PPP2R5C: variants seen among roughly 807,000 people sequenced by gnomAD.
PPP2R5C encodes serine/threonine-protein phosphatase 2A 56 kDa regulatory subunit gamma isoform.
PPP2R5C carries 7 observed loss-of-function variants against 68.9 expected under a neutral mutation model. The observed-to-expected ratio is 0.10, with a 90% CI of 0.06 to 0.19. PPP2R5C has a LOEUF of 0.19. Ranked by LOEUF, PPP2R5C falls within the 10% of genes least tolerant of loss-of-function variation. The pLI, the probability that PPP2R5C is intolerant of heterozygous loss-of-function variation, is 1.00. For synonymous variants in PPP2R5C, 210 were observed against 222.2 expected, an observed-to-expected ratio of 0.95 and a Z score of 0.49; for missense variants, 348 against 641.3, an observed-to-expected ratio of 0.54 and a Z score of 4.94.
intron 2 of PPP2R5C, among the ~76,000 whole-genome samples, chr14:101,782,055 T>G (rs1294346905): frequency 1.1e-5 from 1 of 89,588 alleles, no homozygotes; most frequent in African/African-American, 4.3e-5. Flanking sequence ...CTCCCCCTTC[T>G]CTCTTTCTCC....
chr14:101,909,026 A>C (rs896854549), intron 10 of PPP2R5C, among the ~76,000 whole-genome samples: 2 of 152,194 alleles, frequency 1.3e-5, no homozygotes, highest in African/African-American at 4.8e-5. Context: ...ACAGGGCTGC[A>C]GTCCCATGGC....
intron 7 of PPP2R5C, among the ~76,000 whole-genome samples, chr14:101,893,393 T>C (rs1222658628): frequency 6.6e-6 from 1 of 152,204 alleles, no homozygotes; most frequent in East Asian, 1.9e-4. Context: ...GAGTTTTCTG[T>C]AGTGTAATCT....
At chr14:101,865,912 T>G (rs1339193852) in intron 2 of PPP2R5C, among the ~76,000 whole-genome samples, 1 of 149,128 alleles carries the variant, frequency 6.7e-6, no homozygotes, top group Non-Finnish European at 1.5e-5. Context: ...GTTACTTAAC[T>G]TTTTTTTGAG....
Position 101,882,593 on chromosome 14 carries a change from A to G in PPP2R5C, c.405+322A>G, listed in dbSNP as rs1025406083. 3.8e-5 allele frequency: 8 copies of G among 212,786 alleles called. No individual in the cohort carries two copies. Among genetic ancestry groups the G allele is most frequent in the Non-Finnish European group, 7.4e-5 (8 of 107,570 alleles). The allele number at this position is 212,786 out of a possible 1,614,324, so 13.2% of individuals were successfully genotyped here. A position where few individuals can be genotyped will look rare whatever the true frequency, so the allele number is the denominator to read the frequency against. On this transcript the variant is annotated intron_variant, in intron 3 of 13. Coordinates refer to ENST00000334743, the Ensembl canonical transcript of PPP2R5C. This position sits in a 1 kb window ranked among gnomAD's most constrained non-coding sequence, Gnocchi z 4.9. ...CTCCCAGTTTTTGCTCCTCATATTT[A>G]ATAGGTGCCTGCTGGGCCCCCAGGT...
At chr14:101,874,719 C>T (rs2043642483) in intron 2 of PPP2R5C, among the ~76,000 whole-genome samples, 1 of 151,934 alleles carries the variant, frequency 6.6e-6, no homozygotes, top group African/African-American at 2.4e-5. Flanking sequence ...ATTAAGTATT[C>T]TACAAAGGTT....
At chr14:101,792,776 A>G (rs1223544025) in intron 3 of PPP2R5C, among the ~76,000 whole-genome samples, 3 of 151,718 alleles carry the variant, frequency 2.0e-5, no homozygotes, top group Non-Finnish European at 4.4e-5. Flanking sequence ...GTTTTTTTAC[A>G]TAGCCTCATT....
intron 2 of PPP2R5C, among the ~76,000 whole-genome samples, chr14:101,871,121 A>G (rs1377269504): frequency 1.3e-5 from 2 of 151,960 alleles, no homozygotes; most frequent in South Asian, 2.1e-4. Context: ...TTGGCATGGT[A>G]TGTCTTTTTC....
At chr14:101,830,403 G>A (rs61994050) in intron 1 of PPP2R5C, among the ~76,000 whole-genome samples, 26,291 of 152,222 alleles carry the variant, frequency 0.17, 2,315 homozygotes, top group Admixed American at 0.21. Context: ...GCTACATTGT[G>A]CCCTTGGTGG....
chr14:101,875,221 A>AG (rs1488249537), intron 2 of PPP2R5C, among the ~76,000 whole-genome samples: 1 of 152,148 alleles, frequency 6.6e-6, no homozygotes, highest in Non-Finnish European at 1.5e-5. Context: ...CTGTGGAGGA[A>AG]GCGCGAGGTA....
intron 2 of PPP2R5C, among the ~76,000 whole-genome samples, chr14:101,860,684 C>T (rs111613486): frequency 2.6e-5 from 4 of 152,214 alleles, no homozygotes; most frequent in African/African-American, 9.6e-5. Context: ...ATATCCTCAA[C>T]ACTTGTTATG....
At chr14:101,903,008 G>A (rs1055438341) in intron 9 of PPP2R5C, among the ~76,000 whole-genome samples, 3 of 130,062 alleles carry the variant, frequency 2.3e-5, no homozygotes, top group Non-Finnish European at 4.7e-5. Flanking sequence ...GGAAAATTAT[G>A]TTTTGGGTTT....
chr14:101,876,646 TG>T (rs1225953440), intron 2 of PPP2R5C, among the ~76,000 whole-genome samples: 48 of 152,214 alleles, frequency 3.2e-4, no homozygotes, highest in African/African-American at 1.1e-3. Flanking sequence ...GCAGGACTGA[TG>T]TAAGTACTGA....
At chr14:101,768,469 G>A (rs2036973088) in intron 2 of PPP2R5C, among the ~76,000 whole-genome samples, 1 of 152,086 alleles carries the variant, frequency 6.6e-6, no homozygotes, top group Non-Finnish European at 1.5e-5. Flanking sequence ...AATAATAACA[G>A]TAACACCCAT....
At position 101,888,289 on chromosome 14, in the gene PPP2R5C, C is replaced by G. The variant is rs145581587; in HGVS notation, c.630-1948C>G. Among the ~76,000 whole-genome samples, 1,236 of 152,034 alleles carry G rather than the reference C, an allele frequency of 8.1e-3. 16 individuals are homozygous for G. The highest frequency in any genetic ancestry group is 0.034 in the Middle Eastern group (10 of 294). ...CAAAGGGAGCCTGCAGGGTGAGTTT[C>G]GTAAATTAAAGCACCTCTCGGTGTA... is the stretch of plus-strand genomic sequence containing the variant. On this transcript the variant is annotated intron_variant, in intron 5 of 13. Coordinates refer to ENST00000334743, the Ensembl canonical transcript of PPP2R5C. The surrounding 1 kb of genome is among the most constrained non-coding windows in gnomAD (Gnocchi z 5.6).
intron 2 of PPP2R5C, among the ~76,000 whole-genome samples, chr14:101,768,335 G>T (rs1438409541): frequency 2.0e-5 from 3 of 152,168 alleles, no homozygotes; most frequent in Admixed American, 2.0e-4. Flanking sequence ...ACAGAAGGGA[G>T]ATCACTCCTT....
At chr14:101,840,925 T>G (rs2041432076) in intron 1 of PPP2R5C, among the ~76,000 whole-genome samples, 1 of 152,224 alleles carries the variant, frequency 6.6e-6, no homozygotes, top group Admixed American at 6.5e-5. Context: ...CGTTGGTTGC[T>G]TCCATTAGTT....
chr14:101,880,481 T>C (rs1477532372), intron 2 of PPP2R5C, among the ~76,000 whole-genome samples: 3 of 152,162 alleles, frequency 2.0e-5, no homozygotes, highest in Non-Finnish European at 4.4e-5. Flanking sequence ...GGTTTGGAGT[T>C]CAGTATCAAT....
chr14:101,813,728 T>G (rs2039501253), intron 1 of PPP2R5C, among the ~76,000 whole-genome samples: 1 of 152,252 alleles, frequency 6.6e-6, no homozygotes, highest in South Asian at 2.1e-4. Flanking sequence ...TCTCATCTTG[T>G]TCTAGTCATT....
chr14:101,765,045 C>T (rs2036779483), intron 2 of PPP2R5C: 2 of 635,436 alleles, frequency 3.1e-6, no homozygotes. Context: ...AAAATCACTA[C>T]TATGTGAAAT....
Sources: gnomAD v4.1 joint callset for allele counts (sites outside exome capture counted in the v4.1 genomes callset) on GRCh38, gnomAD v4.1.1 for gene constraint, Gnocchi (gnomAD v3.1) non-coding constraint, MANE v1.5 for transcripts, NCBI Gene and HGNC (gene_info 2026-07-23, HGNC 2026-07-21) for gene names.